The following NLRP8 variants were observed in gnomAD, a reference collection of about 807,000 sequenced individuals.
NLRP8 encodes the protein NACHT, LRR and PYD domains-containing protein 8.
A neutral mutation model predicts 88.7 loss-of-function variants in NLRP8; 86 were observed. The ratio of observed to expected loss-of-function variants is 0.97; its 90% CI spans 0.81 to 1.16. The LOEUF (loss-of-function observed/expected upper bound fraction) is 1.16. NLRP8 is among the 50% of genes most tolerant of loss of function. The pLI, the probability that NLRP8 is intolerant of heterozygous loss-of-function variation, is 0.00. For synonymous variants in NLRP8, 504 were observed against 494.6 expected, an observed-to-expected ratio of 1.02 and a Z score of -0.25; for missense variants, 1,342 against 1,286.5, an observed-to-expected ratio of 1.04 and a Z score of -0.66.
chr19:55,979,265 A>T (rs1358701600), intron 8 of NLRP8, 129 bp from the exon 9 acceptor site: 2 of 994,024 alleles, frequency 2.0e-6, no homozygotes, highest in African/African-American at 3.2e-5. Context: ...AGGTGAATAG[A>T]CCATAGTTGG....
intron 5 of NLRP8, among the ~76,000 whole-genome samples, chr19:55,967,463 C>G (rs1277431745): frequency 6.6e-6 from 1 of 152,220 alleles, no homozygotes; most frequent in South Asian, 2.1e-4. Flanking sequence ...CTTTCTGTGC[C>G]TGGCTTATTT....
At chr19:55,973,179 A>G (rs1980155363) in intron 6 of NLRP8, among the ~76,000 whole-genome samples, 1 of 152,082 alleles carries the variant, frequency 6.6e-6, no homozygotes, top group Non-Finnish European at 1.5e-5. Flanking sequence ...TGAGGTTTCA[A>G]TTTGCAGTTC....
intron 3 of NLRP8, among the ~76,000 whole-genome samples, chr19:55,959,030 C>A (rs1979498481): frequency 6.6e-6 from 1 of 151,414 alleles, no homozygotes; most frequent in Non-Finnish European, 1.5e-5. Context: ...AGGCGCCCGC[C>A]AACACGCCAA....
chr19:55,971,206 G>A (rs373455603), intron 6 of NLRP8, among the ~76,000 whole-genome samples: 43 of 152,246 alleles, frequency 2.8e-4, no homozygotes, highest in South Asian at 1.9e-3. Context: ...TTGGGAGGCC[G>A]AGGCGGGCGG....
chr19:55,948,771 T>C (rs1311076165), intron 1 of NLRP8, among the ~76,000 whole-genome samples: 8 of 152,096 alleles, frequency 5.3e-5, no homozygotes, highest in Non-Finnish European at 1.0e-4. Context: ...CTTAACTGAA[T>C]ACTGCTTATA....
At chr19:55,949,419 G>T (rs1195040456) in intron 1 of NLRP8, among the ~76,000 whole-genome samples, 1 of 151,906 alleles carries the variant, frequency 6.6e-6, no homozygotes, top group African/African-American at 2.4e-5. Flanking sequence ...TGTATTTTTA[G>T]TAGAAACGGG....
Position 55,955,056 on chromosome 19 carries a change from T to C in NLRP8, c.998T>C (p.Met333Thr), listed in dbSNP as rs1568459430. 6.2e-7 allele frequency: 1 copy of C among 1,614,112 alleles called. No homozygotes were observed. The change falls in exon 3 of 10, where the codon ATG (methionine) becomes ACG (threonine). Residue 333 changes from methionine to threonine, a missense_variant. Met to Thr is a moderately conservative substitution (Grantham distance 81). Coordinates refer to ENST00000291971, the MANE Select transcript of NLRP8 (RefSeq NM_176811.2). ...CTTCCAGAGGCCACGCTACTGATCATGATAAGATTTACCTCTTGGCAGACA... is the reference window on the plus strand; with the variant it reads ...CTTCCAGAGGCCACGCTACTGATCACGATAAGATTTACCTCTTGGCAGACA...
At chr19:55,970,463 T>C (rs998257715) in intron 5 of NLRP8, 81 bp from the exon 6 acceptor site, 2 of 1,480,682 alleles carry the variant, frequency 1.4e-6, no homozygotes, top group Non-Finnish European at 1.8e-6. Flanking sequence ...GACTGAGACA[T>C]GAGACAGTGG....
chr19:55,972,216 G>A (rs533748172), intron 6 of NLRP8, among the ~76,000 whole-genome samples: 1 of 150,604 alleles, frequency 6.6e-6, no homozygotes, highest in East Asian at 2.0e-4. Context: ...CCTGCTTCAA[G>A]TGATTCTCCT....
chr19:55,982,780 A>T (rs558375462), intron 9 of NLRP8, among the ~76,000 whole-genome samples: 8 of 152,292 alleles, frequency 5.3e-5, no homozygotes, highest in African/African-American at 1.9e-4. Flanking sequence ...CATCTACATT[A>T]AAAAATGTTT....
At chr19:55,977,747 T>G (rs1980411665) in intron 8 of NLRP8, among the ~76,000 whole-genome samples, 1 of 128,796 alleles carries the variant, frequency 7.8e-6, no homozygotes, top group Non-Finnish European at 1.8e-5. Context: ...TTTACCTCTT[T>G]CAATCCAAAT....
intron 8 of NLRP8, among the ~76,000 whole-genome samples, chr19:55,977,350 A>G (rs1980392957): frequency 1.4e-5 from 2 of 145,172 alleles, no homozygotes; most frequent in African/African-American, 5.0e-5. Flanking sequence ...TATAAGCAAT[A>G]TATTATTTAT....
chr19:55,983,299 A>G (rs1980647918), intron 9 of NLRP8, among the ~76,000 whole-genome samples: 1 of 151,884 alleles, frequency 6.6e-6, no homozygotes, highest in East Asian at 1.9e-4. Flanking sequence ...CCCCATCTCT[A>G]CTAAAAATAC....
At chr19:55,971,663 A>ACG (rs1348544382) in intron 6 of NLRP8, among the ~76,000 whole-genome samples, 1 of 124,284 alleles carries the variant, frequency 8.0e-6, no homozygotes, top group Non-Finnish European at 1.6e-5. Context: ...ACACACACAC[A>ACG]CACGCACACA....
chr19:55,980,167 A>C (rs1980512442), intron 9 of NLRP8, among the ~76,000 whole-genome samples: 1 of 152,134 alleles, frequency 6.6e-6, no homozygotes, highest in South Asian at 2.1e-4. Flanking sequence ...ATCACTTACC[A>C]GCTATATAGC....
At chr19:55,987,085 A>AG (rs1174283465) in intron 9 of NLRP8, among the ~76,000 whole-genome samples, 3 of 152,202 alleles carry the variant, frequency 2.0e-5, no homozygotes, top group African/African-American at 7.2e-5. Context: ...TACTGTACAG[A>AG]GGGCTGGGTG....
Position 55,954,507 on chromosome 19 carries a change from T to C in NLRP8, c.449T>C (p.Ile150Thr), listed in dbSNP as rs1979238736. The stretch of plus-strand genomic sequence containing the variant: ...TCCCATCTCACAAATCTAGGTAAAA[T>C]ACGGCGGTATAAATCGAATGTGATG... Residue 150 changes from isoleucine (I) to threonine (T), a missense_variant, in exon 3 of 10, where the codon ATA (isoleucine) becomes ACA (threonine). Coordinates refer to ENST00000291971, the MANE Select transcript of NLRP8 (RefSeq NM_176811.2). The C allele has an allele frequency of 1.2e-6, 2 of 1,613,124 alleles. No homozygotes were observed. The highest frequency in any genetic ancestry group is 1.7e-6 in the Non-Finnish European group (2 of 1,179,470).
intron 8 of NLRP8, among the ~76,000 whole-genome samples, chr19:55,976,624 T>C (rs1980339333): frequency 6.6e-6 from 1 of 151,664 alleles, no homozygotes; most frequent in Non-Finnish European, 1.5e-5. Context: ...TAACAAAGAG[T>C]TTGTCACTTT....
chr19:55,977,355 ATT>A (rs1980393305), intron 8 of NLRP8, among the ~76,000 whole-genome samples: 1 of 145,170 alleles, frequency 6.9e-6, no homozygotes, highest in South Asian at 2.1e-4. Context: ...GCAATATATT[ATT>A]TATATATAAG....
Sources: allele counts gnomAD v4.1 joint callset (sites outside exome capture counted in the v4.1 genomes callset), GRCh38; gene constraint gnomAD v4.1.1; transcripts MANE v1.5; gene names NCBI Gene and HGNC (gene_info 2026-07-23, HGNC 2026-07-21).